Variants in BICD1 observed in about 807,000 individuals in gnomAD.
The protein encoded by BICD1 is BICD cargo adaptor 1.
A neutral mutation model predicts 92.5 loss-of-function variants in BICD1; 35 were observed. The ratio of observed to expected loss-of-function variants is 0.38; its 90% confidence interval spans 0.29 to 0.50. The LOEUF (loss-of-function observed/expected upper bound fraction) is 0.50. Ranked by LOEUF, BICD1 falls within the 20% of genes least tolerant of loss-of-function variation. The pLI is 0.93. For missense variants in BICD1, 950 were observed against 1,189.8 expected (o/e 0.80, Z 2.97); for synonymous variants, 429 against 465.1 (o/e 0.92, Z 1.00).
intron 1 of BICD1, among the ~76,000 whole-genome samples, chr12:32,126,342 G>A (rs1942337727): frequency 6.6e-6 from 1 of 151,998 alleles, no homozygotes. Context: ...GTGTAGAAAG[G>A]ATGAAATCTT....
At chr12:32,140,436 A>T (rs1143900) in intron 1 of BICD1, among the ~76,000 whole-genome samples, 44,855 of 152,070 alleles carry the variant, frequency 0.29, 7,017 homozygotes, top group African/African-American at 0.4. Flanking sequence ...ATTTTAGAAA[A>T]TGCCTAAATG....
rs34938708 is a variant in BICD1, at chr12:32,373,708, T to TAA, written c.2841-3820_2841-3819dup. Reference sequence around the variant, plus strand: ...TAACACAGTGAAACCCCGTCTCTACTAAAAAAAAAAAAATACAAAAAATTA... The same window carrying TAA: ...TAACACAGTGAAACCCCGTCTCTACTAAAAAAAAAAAAAAATACAAAAAATTA... On this transcript the variant is annotated intron_variant, in intron 9 of 9. Transcript: ENST00000652176. Among the ~76,000 whole-genome samples, 442 of 144,624 alleles carry TAA rather than the reference T, an allele frequency of 3.1e-3. 4 individuals are homozygous for TAA. Among genetic ancestry groups the TAA allele is most frequent in the African/African-American group, 8.6e-3 (338 of 39,358 alleles). 94.9% of individuals were successfully genotyped at this position (144,624 alleles called of 152,430 possible).
At chr12:32,365,150 T>C (rs1030615162) in intron 8 of BICD1, among the ~76,000 whole-genome samples, 2 of 152,114 alleles carry the variant, frequency 1.3e-5, no homozygotes, top group African/African-American at 4.8e-5. Context: ...GGCAGGAGAA[T>C]TGCATGAACC....
chr12:32,177,131 A>G (rs1257860592), intron 1 of BICD1, among the ~76,000 whole-genome samples: 2 of 151,936 alleles, frequency 1.3e-5, no homozygotes, highest in East Asian at 1.9e-4. Context: ...CCTGGCCAAC[A>G]TGGTGAAACC....
At chr12:32,151,672 C>G (rs1943291768) in intron 1 of BICD1, among the ~76,000 whole-genome samples, 1 of 152,116 alleles carries the variant, frequency 6.6e-6, no homozygotes, top group Admixed American at 6.5e-5. Flanking sequence ...AGGAAAGGAA[C>G]AGAAATGCCA....
chr12:32,361,097 G>A lies in BICD1; in HGVS notation c.2765-6573G>A, dbSNP rs1474808111. Among the ~76,000 whole-genome samples the A allele has an allele frequency of 3.3e-5, 5 of 152,166 alleles. No homozygotes were observed. The East Asian group carries it at 9.6e-4, about 29-fold the overall frequency. ...GTTTCTGCTGTTTTAATAGGACTGG[G>A]ATGTCTCAGATAAGACAAGACAGTG... On this transcript the variant is annotated intron_variant, in intron 8 of 9. Coordinates refer to ENST00000652176, the MANE Select transcript of BICD1 (RefSeq NM_001714.4).
chr12:32,223,570 T>G (rs1055693573), intron 2 of BICD1, among the ~76,000 whole-genome samples: 3 of 151,938 alleles, frequency 2.0e-5, no homozygotes, highest in African/African-American at 7.2e-5. Flanking sequence ...GGATTAGGCT[T>G]TGGCTGGTTT....
intron 1 of BICD1, among the ~76,000 whole-genome samples, chr12:32,184,288 A>G (rs968841009): frequency 2.0e-5 from 3 of 152,116 alleles, no homozygotes; most frequent in African/African-American, 7.2e-5. Context: ...TGTATGGAAA[A>G]TAATTGTTTT....
intron 1 of BICD1, among the ~76,000 whole-genome samples, chr12:32,160,530 TCTGAAAACCAGGTG>T (rs1943567947): frequency 2.6e-5 from 4 of 152,058 alleles, no homozygotes; most frequent in African/African-American, 7.2e-5. Context: ...CTCAATACAG[TCTGAAAACCAGGTG>T]GAAAGTGTTT....
chr12:32,161,253 C>T (rs549328432), intron 1 of BICD1, among the ~76,000 whole-genome samples: 19 of 152,142 alleles, frequency 1.2e-4, no homozygotes, highest in South Asian at 2.1e-4. Flanking sequence ...GATGGCATGC[C>T]GTATAACAAA....
chr12:32,185,954 A>T (rs1944414094), intron 1 of BICD1, among the ~76,000 whole-genome samples: 1 of 152,042 alleles, frequency 6.6e-6, no homozygotes, highest in African/African-American at 2.4e-5. Flanking sequence ...CCGCCAGTTG[A>T]TTATGAGGAG....
At chr12:32,338,291 C>G (rs1011552486) in intron 7 of BICD1, 1 of 173,950 alleles carries the variant, frequency 5.7e-6, no homozygotes, top group Admixed American at 5.6e-5. Context: ...TCCATATGAC[C>G]AAAACTGATG....
intron 2 of BICD1, among the ~76,000 whole-genome samples, chr12:32,267,815 T>G (rs1947039206): frequency 6.6e-6 from 1 of 152,178 alleles, no homozygotes; most frequent in Non-Finnish European, 1.5e-5. Flanking sequence ...TAAAATAAGT[T>G]TTTTTAGAGA....
chr12:32,290,739 A>G (rs1947704316), intron 2 of BICD1, among the ~76,000 whole-genome samples: 1 of 152,134 alleles, frequency 6.6e-6, no homozygotes, highest in African/African-American at 2.4e-5. Flanking sequence ...GCTTAGCAAG[A>G]ATTCCCCTGC....
chr12:32,303,992 G>A (rs1011326352), intron 3 of BICD1, among the ~76,000 whole-genome samples: 5 of 152,002 alleles, frequency 3.3e-5, no homozygotes, highest in East Asian at 1.9e-4. Flanking sequence ...GGAGAATGGC[G>A]TCAACCAGGA....
At chr12:32,302,882 T>TTTTA (rs1252864587) in intron 3 of BICD1, among the ~76,000 whole-genome samples, 3 of 130,266 alleles carry the variant, frequency 2.3e-5, no homozygotes, top group Non-Finnish European at 5.3e-5. Flanking sequence ...CAATGACCAT[T>TTTTA]TTTTTTTTTT....
intron 4 of BICD1, among the ~76,000 whole-genome samples, chr12:32,312,925 A>G (rs556601749): frequency 1.3e-5 from 2 of 152,298 alleles, no homozygotes; most frequent in Non-Finnish European, 2.9e-5. Context: ...GACATTTTCC[A>G]GTGGCAGTCA....
chr12:32,140,340 A>G (rs1250835444), intron 1 of BICD1, among the ~76,000 whole-genome samples: 2 of 152,222 alleles, frequency 1.3e-5, no homozygotes, highest in African/African-American at 2.4e-5. Flanking sequence ...TATACTCCCA[A>G]TGAATTACTT....
intron 1 of BICD1, among the ~76,000 whole-genome samples, chr12:32,159,361 G>A (rs1006197992): frequency 3.9e-5 from 6 of 152,204 alleles, no homozygotes; most frequent in Non-Finnish European, 7.3e-5. Context: ...ACAGCAAAAA[G>A]TGACTACTAG....
Sources: allele counts gnomAD v4.1 joint callset (sites outside exome capture counted in the v4.1 genomes callset), GRCh38; gene constraint gnomAD v4.1.1; transcripts MANE v1.5; gene names NCBI Gene and HGNC (gene_info 2026-07-23, HGNC 2026-07-21).